TBC1D2: variants seen among roughly 807,000 people sequenced by gnomAD.
The protein encoded by TBC1D2 is TBC1 domain family member 2A.
A neutral mutation model predicts 91.1 loss-of-function variants in TBC1D2; 58 were observed. The ratio of observed to expected loss-of-function variants is 0.64; its 90% CI spans 0.52 to 0.79. The LOEUF is 0.79. Ranked by LOEUF, TBC1D2 falls within the 30% of genes least tolerant of loss-of-function variation. The pLI is 0.00. For synonymous variants in TBC1D2, 482 were observed against 511.5 expected, an observed-to-expected ratio of 0.94 and a Z score of 0.78; for missense variants, 1,080 against 1,208.3, an observed-to-expected ratio of 0.89 and a Z score of 1.57.
chr9:98,242,657 T>A (rs1157084731), intron 3 of TBC1D2, among the ~76,000 whole-genome samples: 1 of 152,162 alleles, frequency 6.6e-6, no homozygotes, highest in Non-Finnish European at 1.5e-5. Context: ...GCTAAGCTTA[T>A]AAGGCAAGCG....
intron 9 of TBC1D2, 124 bp downstream of exon 9, chr9:98,208,544 T>C (rs1828716680): frequency 7.5e-6 from 7 of 929,604 alleles, no homozygotes; most frequent in Non-Finnish European, 1.1e-5. Context: ...TCTCGCCCAC[T>C]GCTCACCTCC....
intron 4 of TBC1D2, among the ~76,000 whole-genome samples, chr9:98,231,279 C>CTTTTTTGT (rs1829362204): frequency 1.3e-5 from 1 of 76,740 alleles, no homozygotes; most frequent in East Asian, 4.4e-4. Context: ...CTCAACTCTG[C>CTTTTTTGT]TTTTTTTTTT....
intron 2 of TBC1D2, among the ~76,000 whole-genome samples, chr9:98,251,474 A>G (rs921636579): frequency 3.9e-5 from 6 of 152,198 alleles, no homozygotes; most frequent in Non-Finnish European, 7.3e-5. Context: ...TGTTCTAACC[A>G]TTTTAGGTAT....
intron 2 of TBC1D2, among the ~76,000 whole-genome samples, chr9:98,250,111 G>A (rs919962925): frequency 3.9e-5 from 6 of 152,210 alleles, no homozygotes; most frequent in Non-Finnish European, 5.9e-5. Context: ...CAAAGTCTGA[G>A]AAGGCTTCCA....
chr9:98,250,718 T>G (rs1327517726), intron 2 of TBC1D2, among the ~76,000 whole-genome samples: 1 of 152,148 alleles, frequency 6.6e-6, no homozygotes, highest in African/African-American at 2.4e-5. Context: ...CCTTGCCTAT[T>G]TGGCCTCCCT....
At position 98,223,250 on chromosome 9, in the gene TBC1D2, C is replaced by T. The variant is rs80109415; in HGVS notation, c.979-2022G>A. The stretch of plus-strand genomic sequence containing the variant: ...AAGAATGAGAAGGGCCAGAGATGGT[C>T]GAGCAGCAGGTGGGAGATGAGGGTG... On this transcript the variant is annotated intron_variant, in intron 5 of 12. Coordinates refer to ENST00000465784, the MANE Select transcript of TBC1D2 (RefSeq NM_001267571.2). Among the ~76,000 whole-genome samples, 166 of 152,282 alleles carry T rather than the reference C, an allele frequency of 1.1e-3. 1 individual carries two copies. The highest frequency in any genetic ancestry group is 2.2e-3 in the Non-Finnish European group (147 of 68,022).
intron 11 of TBC1D2, among the ~76,000 whole-genome samples, 160 bp downstream of exon 11, chr9:98,201,319 T>A (rs1163605956): frequency 6.6e-6 from 1 of 152,218 alleles, no homozygotes; most frequent in Non-Finnish European, 1.5e-5. Flanking sequence ...CTACTTCTCA[T>A]ACATGCAAAG....
chr9:98,205,544 T>C (rs1828627174), intron 9 of TBC1D2, among the ~76,000 whole-genome samples: 1 of 152,084 alleles, frequency 6.6e-6, no homozygotes, highest in African/African-American at 2.4e-5. Context: ...AAACATGCAG[T>C]TCCTTTTCTT....
chr9:98,249,546 C>T (rs1040762382), intron 2 of TBC1D2, among the ~76,000 whole-genome samples: 1 of 152,326 alleles, frequency 6.6e-6, no homozygotes, highest in African/African-American at 2.4e-5. Flanking sequence ...GCAGCATCAA[C>T]CCAGGCTGCA....
At chr9:98,203,190 C>A in intron 10 of TBC1D2, 98 bp downstream of exon 10, 1 of 1,542,596 alleles carries the variant, frequency 6.5e-7, no homozygotes, top group Non-Finnish European at 8.8e-7. Context: ...AATGGAAGCC[C>A]GAGAGATTCC....
At chr9:98,211,955 G>A (rs1186742165) in intron 7 of TBC1D2, among the ~76,000 whole-genome samples, 8 of 151,986 alleles carry the variant, frequency 5.3e-5, no homozygotes, top group South Asian at 2.1e-4. Flanking sequence ...GCACCACCAC[G>A]CCCAGCTAAT....
intron 4 of TBC1D2, among the ~76,000 whole-genome samples, chr9:98,229,905 A>G (rs1829326019): frequency 6.6e-6 from 1 of 152,270 alleles, no homozygotes; most frequent in Non-Finnish European, 1.5e-5. Context: ...TGCTTAAAAC[A>G]GAAACCCTAT....
rs146042908 is a variant in TBC1D2 at position 98,249,350 on chromosome 9, C to T, written c.511+2435G>A. Among the ~76,000 whole-genome samples the T allele has an allele frequency of 4.9e-3, 741 of 152,284 alleles. 5 individuals are homozygous for T. Among genetic ancestry groups the T allele is most frequent in the African/African-American group, 0.017 (699 of 41,546 alleles). ...CAGCAGGGGCTGGCCTGGAAGAGGCCCGCCGTGTGTGCTGAAGCAAAGCCG... is the reference window on the plus strand; with the variant it reads ...CAGCAGGGGCTGGCCTGGAAGAGGCTCGCCGTGTGTGCTGAAGCAAAGCCG... On this transcript the variant is annotated intron_variant, in intron 2 of 12. Transcript: ENST00000465784.
chr9:98,242,366 G>A (rs1234458001), intron 3 of TBC1D2, among the ~76,000 whole-genome samples: 5 of 151,476 alleles, frequency 3.3e-5, no homozygotes, highest in African/African-American at 4.9e-5. Context: ...ACTTGAACAC[G>A]GGAAGCAGAG....
chr9:98,216,783 C>T (rs1370631831), intron 6 of TBC1D2, among the ~76,000 whole-genome samples: 3 of 152,230 alleles, frequency 2.0e-5, no homozygotes, highest in Non-Finnish European at 4.4e-5. Context: ...TAGCTCACTG[C>T]ACTCTTGACC....
chr9:98,235,665 C>G, intron 3 of TBC1D2: 1 of 301,554 alleles, frequency 3.3e-6, no homozygotes, highest in South Asian at 2.8e-5. Flanking sequence ...TTCCTAACCC[C>G]AATAAATTGT....
At chr9:98,253,602 T>G (rs1021988732) in intron 1 of TBC1D2, among the ~76,000 whole-genome samples, 1 of 152,228 alleles carries the variant, frequency 6.6e-6, no homozygotes, top group African/African-American at 2.4e-5. Context: ...CTCAGGGCTG[T>G]ATCATGGTTT....
At chr9:98,217,477 G>A (rs1040110227) in intron 6 of TBC1D2, among the ~76,000 whole-genome samples, 59 of 152,300 alleles carry the variant, frequency 3.9e-4, no homozygotes, top group African/African-American at 1.3e-3. Context: ...GAAAATGAGT[G>A]GGGCAGACTA....
chr9:98,209,682 C>G (rs111420069), intron 8 of TBC1D2, among the ~76,000 whole-genome samples: 7 of 152,204 alleles, frequency 4.6e-5, no homozygotes, highest in African/African-American at 1.7e-4. Flanking sequence ...TCCTAATGAT[C>G]CTGCAAAGCA....
Sources: allele counts gnomAD v4.1 joint callset (sites outside exome capture counted in the v4.1 genomes callset), GRCh38; gene constraint gnomAD v4.1.1; transcripts MANE v1.5; gene names NCBI Gene and HGNC (gene_info 2026-07-23, HGNC 2026-07-21).